Variants in ZNF618 observed in about 807,000 individuals in gnomAD.
ZNF618 encodes zinc finger protein 618.
A neutral mutation model predicts 103.0 loss-of-function variants in ZNF618; 34 were observed. The ratio of observed to expected loss-of-function variants is 0.33; its 90% CI spans 0.25 to 0.44. The LOEUF (loss-of-function observed/expected upper bound fraction) is 0.44. Ranked by LOEUF, ZNF618 falls within the 20% of genes least tolerant of loss-of-function variation. The pLI is 1.00. For missense variants in ZNF618, 1,059 were observed against 1,295.4 expected, an observed-to-expected ratio of 0.82 and a Z score of 2.80; for synonymous variants, 551 against 542.2, an observed-to-expected ratio of 1.02 and a Z score of -0.23.
intron 1 of ZNF618, among the ~76,000 whole-genome samples, chr9:113,909,867 C>T (rs1332083102): frequency 6.6e-6 from 1 of 152,068 alleles, no homozygotes; most frequent in Non-Finnish European, 1.5e-5. Flanking sequence ...TCACTGCAAC[C>T]TCTGCCTCCT....
At chr9:113,906,763 T>G (rs994777820) in intron 1 of ZNF618, among the ~76,000 whole-genome samples, 1 of 152,202 alleles carries the variant, frequency 6.6e-6, no homozygotes, top group African/African-American at 2.4e-5. Flanking sequence ...TCAGGACGCC[T>G]TAGGTTTTAA....
At chr9:113,971,705 G>A (rs1837982339) in intron 2 of ZNF618, among the ~76,000 whole-genome samples, 1 of 152,190 alleles carries the variant, frequency 6.6e-6, no homozygotes, top group Non-Finnish European at 1.5e-5. Context: ...TCCCACGGTG[G>A]CTGCCTGAAT....
At position 113,886,715 on chromosome 9, in the gene ZNF618, G is replaced by A. The variant is rs955699809; in HGVS notation, c.33+10302G>A. Among the ~76,000 whole-genome samples, 10 of 151,938 alleles carry A rather than the reference G, an allele frequency of 6.6e-5. 1 individual carries two copies. The highest frequency in any genetic ancestry group is 5.9e-4 in the Admixed American group (9 of 15,264). On this transcript the variant is annotated intron_variant, in intron 1 of 14. Transcript: ENST00000374126. Reference sequence around the variant, plus strand: ...GGCCTGCCTTTGTTTTGTCAGAGGGGTCTAGAGCTATAAGGGTAACAGATA... The same window carrying A: ...GGCCTGCCTTTGTTTTGTCAGAGGGATCTAGAGCTATAAGGGTAACAGATA...
At chr9:113,909,787 TTG>T (rs1491417287) in intron 1 of ZNF618, among the ~76,000 whole-genome samples, 1 of 150,380 alleles carries the variant, frequency 6.6e-6, no homozygotes, top group African/African-American at 2.4e-5. Flanking sequence ...CCTTTTTTGT[TTG>T]TTTTTTTTTT....
intron 1 of ZNF618, among the ~76,000 whole-genome samples, chr9:113,937,004 C>G (rs755717111): frequency 6.6e-6 from 1 of 152,120 alleles, no homozygotes; most frequent in African/African-American, 2.4e-5. Flanking sequence ...CCCTCGCTCA[C>G]CAGAGGTAAC....
chr9:113,943,991 A>G (rs1008430363), intron 1 of ZNF618, among the ~76,000 whole-genome samples: 1 of 152,180 alleles, frequency 6.6e-6, no homozygotes, highest in Non-Finnish European at 1.5e-5. Context: ...TTCCTTCCTT[A>G]CTAAATCTGG....
At chr9:113,931,383 AG>A in intron 1 of ZNF618, among the ~76,000 whole-genome samples, 1 of 152,200 alleles carries the variant, frequency 6.6e-6, no homozygotes, top group Non-Finnish European at 1.5e-5. Context: ...TTGAGGCAGA[AG>A]GGACAGCATG....
At chr9:114,012,535 CAG>C (rs1842346733) in intron 9 of ZNF618, among the ~76,000 whole-genome samples, 1 of 152,162 alleles carries the variant, frequency 6.6e-6, no homozygotes, top group Non-Finnish European at 1.5e-5. Context: ...GGACACAGTT[CAG>C]TCCATAGCAT....
intron 12 of ZNF618, 69 bp from the exon 13 acceptor site, chr9:114,036,231 C>T: frequency 6.8e-7 from 1 of 1,472,864 alleles, no homozygotes; most frequent in Non-Finnish European, 9.3e-7. Flanking sequence ...TGCAAAGCTG[C>T]CTGCAGCCCA....
Position 114,047,903 on chromosome 9 carries a change from AAAC to A in ZNF618, c.1262_1264del (p.Asn421del), listed in dbSNP as rs1845799406. 6.2e-7 allele frequency: 1 copy of A among 1,600,640 alleles called. No individual in the cohort carries two copies. The highest frequency in any genetic ancestry group is 1.1e-5 in the South Asian group (1 of 87,844). The stretch of plus-strand genomic sequence containing the variant: ...CCTTTGTGCCCACAGCTGACAATGA[AAAC>A]AACATTGCCTCCAACCAGTCCCGAT... On this transcript the variant is annotated inframe_deletion, in exon 14 of 15. Coordinates refer to ENST00000374126, the MANE Select transcript of ZNF618 (RefSeq NM_001318042.2).
At position 114,048,937 on chromosome 9, in the gene ZNF618, C is replaced by G. The variant is rs2134675311; in HGVS notation, c.1635C>G (p.Ala545=). 3 of 1,609,402 alleles carry G rather than the reference C, an allele frequency of 1.9e-6. No individual in the cohort carries two copies. The highest frequency in any genetic ancestry group is 4.5e-5 in the East Asian group (2 of 44,672). The part of the protein sequence containing the change: ...VKVTCALGSN[A]CLGIGVTCHS... ...TGACCTGTGCCTTGGGCAGCAATGC[C>G]TGCCTAGGCATCGGTGTCACCTGCC... The change falls in exon 15 of 15, where the codon GCC becomes GCG. Residue 545 remains alanine (A), a synonymous_variant. Transcript: ENST00000374126.
intron 1 of ZNF618, among the ~76,000 whole-genome samples, chr9:113,897,637 C>T (rs1037059316): frequency 2.6e-5 from 4 of 152,064 alleles, no homozygotes; most frequent in Admixed American, 6.6e-5. Context: ...GTTTGCCTTC[C>T]GTAATTATCT....
At chr9:114,033,800 AT>A (rs1844325101) in intron 12 of ZNF618, among the ~76,000 whole-genome samples, 1 of 152,048 alleles carries the variant, frequency 6.6e-6, no homozygotes, top group African/African-American at 2.4e-5. Context: ...TTGAAATTTA[AT>A]TCACTACATA....
intron 12 of ZNF618, among the ~76,000 whole-genome samples, chr9:114,033,310 C>T (rs1844263812): frequency 6.6e-6 from 1 of 151,948 alleles, no homozygotes; most frequent in African/African-American, 2.4e-5. Flanking sequence ...CACTTGAACC[C>T]AGGAGGCAGA....
intron 9 of ZNF618, among the ~76,000 whole-genome samples, chr9:114,009,635 G>T (rs1014257048): frequency 1.3e-5 from 2 of 152,132 alleles, no homozygotes; most frequent in African/African-American, 4.8e-5. Context: ...CCAGCAAGAA[G>T]AGACCTTTAT....
intron 1 of ZNF618, among the ~76,000 whole-genome samples, chr9:113,900,732 C>G (rs541876657): frequency 8.3e-4 from 117 of 141,358 alleles, no homozygotes; most frequent in African/African-American, 3.1e-3. Context: ...GACCTCCTGT[C>G]TCCTAGCACC....
chr9:113,883,093 T>C (rs1205267475), intron 1 of ZNF618, among the ~76,000 whole-genome samples: 1 of 152,220 alleles, frequency 6.6e-6, no homozygotes, highest in Admixed American at 6.5e-5. Context: ...TTCATTTGAT[T>C]TTTGGAAATA....
chr9:113,890,554 T>A (rs577277902), intron 1 of ZNF618, among the ~76,000 whole-genome samples: 1 of 152,368 alleles, frequency 6.6e-6, no homozygotes, highest in South Asian at 2.1e-4. Context: ...GTCATTGTTA[T>A]AACCTACTCT....
rs183160130 is a variant in ZNF618, at chr9:114,031,907, A to C, written c.1085-738A>C. Reference sequence around the variant, plus strand: ...GATCATCTGTTTCAATACCTTCTGCAGGTGGGGGTGGGGGATAAAAATTCA... The same window carrying C: ...GATCATCTGTTTCAATACCTTCTGCCGGTGGGGGTGGGGGATAAAAATTCA... On this transcript the variant is annotated intron_variant, in intron 11 of 14. Coordinates refer to ENST00000374126, the MANE Select transcript of ZNF618 (RefSeq NM_001318042.2). Among the ~76,000 whole-genome samples, 20 of 137,580 alleles carry C rather than the reference A, an allele frequency of 1.5e-4. No homozygotes were observed. In the East Asian group the frequency reaches 4.8e-3, roughly 33 times the overall value. The allele number at this position is 137,580 out of a possible 152,430, so 90.3% of individuals were successfully genotyped here.
Sources: allele counts gnomAD v4.1 joint callset (sites outside exome capture counted in the v4.1 genomes callset), GRCh38; gene constraint gnomAD v4.1.1; transcripts MANE v1.5; gene names NCBI Gene and HGNC (gene_info 2026-07-23, HGNC 2026-07-21).